Variants in TRHDE observed in about 807,000 individuals in gnomAD.
The protein encoded by TRHDE is thyrotropin-releasing hormone-degrading ectoenzyme.
A neutral mutation model predicts 125.7 loss-of-function variants in TRHDE; 72 were observed. The observed-to-expected ratio is 0.57, with a 90% CI of 0.47 to 0.70. TRHDE has a LOEUF of 0.70. Among genes scored for constraint, TRHDE ranks in the 30% least tolerant of loss-of-function variants. The pLI, the probability that TRHDE is intolerant of heterozygous loss-of-function variation, is 0.00. For missense variants in TRHDE, 1,110 were observed against 1,327.1 expected, an observed-to-expected ratio of 0.84 and a Z score of 2.54; for synonymous variants, 509 against 509.1, an observed-to-expected ratio of 1.00 and a Z score of 0.00.
At chr12:72,306,106 T>C (rs143367031) in intron 2 of TRHDE, among the ~76,000 whole-genome samples, 24 of 152,340 alleles carry the variant, frequency 1.6e-4, no homozygotes, top group Non-Finnish European at 2.5e-4. Flanking sequence ...GTGTTTTTTC[T>C]GCTGGTGGAT....
intron 2 of TRHDE, among the ~76,000 whole-genome samples, chr12:72,201,477 A>G (rs964952261): frequency 1.3e-5 from 2 of 152,206 alleles, no homozygotes; most frequent in African/African-American, 2.4e-5. Context: ...TACTGCCCCT[A>G]CACAAGAGGT....
chr12:72,551,371 C>G (rs531342581), intron 7 of TRHDE, among the ~76,000 whole-genome samples: 2 of 152,094 alleles, frequency 1.3e-5, no homozygotes, highest in Non-Finnish European at 2.9e-5. Context: ...CTTTTCCAAT[C>G]GGTCTCCTGT....
intron 2 of TRHDE, among the ~76,000 whole-genome samples, chr12:72,374,115 T>C (rs1186680758): frequency 6.6e-6 from 1 of 151,772 alleles, no homozygotes; most frequent in Non-Finnish European, 1.5e-5. Flanking sequence ...TGAGAAGTGG[T>C]TGGATTCTGG....
At chr12:72,248,877 C>A (rs1291514393) in intron 2 of TRHDE, among the ~76,000 whole-genome samples, 2 of 152,184 alleles carry the variant, frequency 1.3e-5, no homozygotes, top group African/African-American at 2.4e-5. Flanking sequence ...ATATTTGAAA[C>A]CCTCATTGAT....
intron 12 of TRHDE, among the ~76,000 whole-genome samples, chr12:72,610,315 TTTATGTCA>T (rs1156835670): frequency 6.6e-6 from 1 of 152,220 alleles, no homozygotes; most frequent in Non-Finnish European, 1.5e-5. Context: ...CTTCTCTGTT[TTTATGTCA>T]TTCATTTCAC....
intron 2 of TRHDE, among the ~76,000 whole-genome samples, chr12:72,170,098 A>G (rs1052186128): frequency 2.6e-5 from 4 of 152,196 alleles, no homozygotes; most frequent in Non-Finnish European, 5.9e-5. Flanking sequence ...TCTTGGTAGA[A>G]TGGCAGGCTC....
At chr12:72,503,089 C>A (rs549918594) in intron 6 of TRHDE, among the ~76,000 whole-genome samples, 11 of 152,204 alleles carry the variant, frequency 7.2e-5, no homozygotes, top group African/African-American at 2.4e-4. Context: ...GGTTAAACCA[C>A]ATCATTCTGG....
chr12:72,225,560 C>A (rs921348939), intron 2 of TRHDE, among the ~76,000 whole-genome samples: 3 of 152,002 alleles, frequency 2.0e-5, no homozygotes, highest in African/African-American at 7.2e-5. Flanking sequence ...GCTTTTCATC[C>A]CAGTTTGGAA....
chr12:72,308,201 A>G (rs1868382256), intron 2 of TRHDE, among the ~76,000 whole-genome samples: 1 of 151,628 alleles, frequency 6.6e-6, no homozygotes, highest in Admixed American at 6.6e-5. Flanking sequence ...AAGTACATTT[A>G]TTTCTCCTCC....
Position 72,473,064 on chromosome 12 carries a change from CA to C in TRHDE, c.1471-2del. ...TTGATGACCATTAATTTTGTTACTGCAGTGGTTTGGTGACCTTGTGACGCCT... is the reference window on the plus strand; with the variant it reads ...TTGATGACCATTAATTTTGTTACTGCGTGGTTTGGTGACCTTGTGACGCCT... On this transcript the variant is annotated splice_acceptor_variant, in intron 4 of 18. Transcript: ENST00000261180. LOFTEE classifies it high-confidence loss of function. 6.2e-7 allele frequency: 1 copy of C among 1,609,590 alleles called. No individual in the cohort carries two copies. The highest frequency in any genetic ancestry group is 8.5e-7 in the Non-Finnish European group (1 of 1,176,322).
At chr12:72,413,100 T>C (rs1041643321) in intron 3 of TRHDE, among the ~76,000 whole-genome samples, 2 of 152,084 alleles carry the variant, frequency 1.3e-5, no homozygotes, top group Non-Finnish European at 2.9e-5. Flanking sequence ...TATATACTAC[T>C]TCTATATATG....
intron 2 of TRHDE, among the ~76,000 whole-genome samples, chr12:72,175,208 T>G (rs529302218): frequency 6.6e-6 from 1 of 152,322 alleles, no homozygotes; most frequent in Admixed American, 6.5e-5. Context: ...TCTATGAGTT[T>G]AACTATTTTA....
At chr12:72,147,942 T>C (rs1253126085) in intron 2 of TRHDE, 1 of 152,388 alleles carries the variant, frequency 6.6e-6, no homozygotes, top group East Asian at 1.9e-4. Context: ...TAATGATTAC[T>C]ACAAACTAGT....
At chr12:72,447,259 A>T (rs2135864584) in intron 3 of TRHDE, among the ~76,000 whole-genome samples, 1 of 152,254 alleles carries the variant, frequency 6.6e-6, no homozygotes, top group African/African-American at 2.4e-5. Flanking sequence ...CCTGCTCCTG[A>T]ATGGCTACTG....
Position 72,309,507 on chromosome 12 carries a change from A to G in TRHDE, c.1188+22553A>G, listed in dbSNP as rs140238830. Among the ~76,000 whole-genome samples, 51 of 152,236 alleles carry G rather than the reference A, an allele frequency of 3.4e-4. No homozygotes were observed. In the East Asian group the frequency reaches 9.3e-3, roughly 28 times the overall value. ...TGGGGAATAACTGGAAAGGAGGAAA[A>G]ACAGCTTTTCCTCAAAAAGAGATGA... On this transcript the variant is annotated intron_variant, in intron 2 of 18. Coordinates refer to ENST00000261180, the MANE Select transcript of TRHDE (RefSeq NM_013381.3).
intron 15 of TRHDE, among the ~76,000 whole-genome samples, chr12:72,635,061 C>G (rs1429259155): frequency 6.6e-6 from 1 of 151,218 alleles, no homozygotes; most frequent in Non-Finnish European, 1.5e-5. Context: ...GTTCTAGATC[C>G]CTGAGGAATC....
Position 72,563,003 on chromosome 12 carries a change from A to G in TRHDE, c.2005A>G (p.Ser669Gly). 2 of 1,607,304 alleles carry G rather than the reference A, an allele frequency of 1.2e-6. No individual in the cohort carries two copies. The highest frequency in any genetic ancestry group is 2.2e-5 in the East Asian group (1 of 44,586). ...CCAACAGCATTTTATCTATGATATC[A>G]GTGCTAAAACTAAAGCACTTAAACT... The part of the protein sequence containing the change: ...ITQQHFIYDI[S>G]AKTKALKLQN... The change falls in exon 9 of 19, where the codon AGT becomes GGT. Residue 669 changes from serine (S) to glycine (G), a missense_variant. Physicochemically the swap from Ser to Gly is moderately conservative, Grantham distance 56. Transcript: ENST00000261180.
intron 6 of TRHDE, among the ~76,000 whole-genome samples, chr12:72,529,810 C>G (rs749064324): frequency 8.5e-5 from 13 of 152,126 alleles, no homozygotes; most frequent in Non-Finnish European, 1.5e-4. Flanking sequence ...TCTTAGTGTT[C>G]ACATTCTGTT....
At chr12:72,237,089 T>C (rs1050573117) in intron 2 of TRHDE, among the ~76,000 whole-genome samples, 8 of 152,178 alleles carry the variant, frequency 5.3e-5, no homozygotes, top group South Asian at 2.1e-4. Flanking sequence ...TCAATATCCA[T>C]ATTTTTAAGC....
Sources: gnomAD v4.1 joint callset for allele counts (sites outside exome capture counted in the v4.1 genomes callset) on GRCh38, gnomAD v4.1.1 for gene constraint, MANE v1.5 for transcripts, NCBI Gene and HGNC (gene_info 2026-07-23, HGNC 2026-07-21) for gene names.